FAM193A: variants seen among roughly 807,000 people sequenced by gnomAD.
The protein encoded by FAM193A is protein FAM193A.
In FAM193A, 22 loss-of-function variants were observed where a neutral mutation model predicts 126.5. The ratio of observed to expected loss-of-function variants is 0.17; its 90% confidence interval spans 0.12 to 0.25. FAM193A has a LOEUF of 0.25. FAM193A is among the 10% of genes least tolerant of loss of function. FAM193A has a pLI of 1.00. For missense variants in FAM193A, 1,675 were observed against 1,672.8 expected (o/e 1.00, Z -0.02); for synonymous variants, 761 against 646.8 (o/e 1.18, Z -2.68).
intron 19 of FAM193A, among the ~76,000 whole-genome samples, chr4:2,701,984 C>G (rs748162478): frequency 2.0e-5 from 3 of 152,138 alleles, no homozygotes; most frequent in Non-Finnish European, 2.9e-5. Context: ...GTTGGTCAGG[C>G]TGGTCTCAAA....
chr4:2,712,781 G>A (rs1047289037), intron 19 of FAM193A, among the ~76,000 whole-genome samples: 9 of 151,860 alleles, frequency 5.9e-5, no homozygotes, highest in Non-Finnish European at 1.3e-4. Flanking sequence ...AAAATGTGTT[G>A]TGGGGTTTTT....
At chr4:2,552,033 A>C (rs1737953121) in intron 1 of FAM193A, among the ~76,000 whole-genome samples, 1 of 122,838 alleles carries the variant, frequency 8.1e-6, no homozygotes, top group African/African-American at 3.1e-5. Flanking sequence ...TTTTTTCGAG[A>C]CAGAGTCTTG....
At chr4:2,710,794 C>G (rs754970691) in intron 19 of FAM193A, among the ~76,000 whole-genome samples, 6 of 151,786 alleles carry the variant, frequency 4.0e-5, no homozygotes, top group South Asian at 2.1e-4. Flanking sequence ...CATGAACCAC[C>G]GTGCCCAGCC....
chr4:2,583,185 G>A (rs989035083), intron 1 of FAM193A, among the ~76,000 whole-genome samples: 3 of 152,214 alleles, frequency 2.0e-5, no homozygotes, highest in African/African-American at 7.2e-5. Context: ...CATTGGCCAA[G>A]CTGGTGCCAA....
At chr4:2,571,410 A>G (rs1267204286) in intron 1 of FAM193A, among the ~76,000 whole-genome samples, 1 of 152,160 alleles carries the variant, frequency 6.6e-6, no homozygotes, top group Non-Finnish European at 1.5e-5. Flanking sequence ...CTGTTTGGTT[A>G]TGTATAAAAA....
At chr4:2,562,467 C>T (rs974967408) in intron 1 of FAM193A, among the ~76,000 whole-genome samples, 2 of 152,134 alleles carry the variant, frequency 1.3e-5, no homozygotes, top group Admixed American at 6.6e-5. Flanking sequence ...TTTAAAATTT[C>T]GACGACTGCT....
At chr4:2,683,532 G>T (rs1715398046) in intron 13 of FAM193A, among the ~76,000 whole-genome samples, 1 of 152,226 alleles carries the variant, frequency 6.6e-6, no homozygotes, top group Admixed American at 6.5e-5. Context: ...GACCTCAGGT[G>T]ATCGCCTGCC....
At chr4:2,625,007 A>G (rs2108975583) in intron 2 of FAM193A, among the ~76,000 whole-genome samples, 1 of 152,250 alleles carries the variant, frequency 6.6e-6, no homozygotes, top group East Asian at 1.9e-4. Context: ...ACAGGCGGGC[A>G]CCAACACGCC....
At chr4:2,660,100 C>T (rs752638374) in intron 10 of FAM193A, 46 bp downstream of exon 10, 1 of 1,594,666 alleles carries the variant, frequency 6.3e-7, no homozygotes, top group Non-Finnish European at 8.6e-7. Flanking sequence ...TAAGTCGCCC[C>T]AGTAATGAGA....
rs139166466 is a variant in FAM193A, at chr4:2,691,084, G to T, written c.2803+114G>T. The T allele has an allele frequency of 8.2e-6, 8 of 975,700 alleles. No individual in the cohort carries two copies. In the African/African-American group the frequency reaches 9.9e-5, roughly 12 times the overall value. The allele number at this position is 975,700 out of a possible 1,614,324, so 60.4% of individuals were successfully genotyped here. On this transcript the variant is annotated intron_variant, in intron 15 of 20. Transcript: ENST00000637812. ...CCTTTTACTTGGCCTAGCCAGAGGC[G>T]TAAGTGTAATTAACTGCCCAAAAAT...
intron 1 of FAM193A, among the ~76,000 whole-genome samples, chr4:2,557,366 A>C (rs111457091): frequency 6.6e-6 from 1 of 152,162 alleles, no homozygotes; most frequent in South Asian, 2.1e-4. Context: ...AGCTCTCCCT[A>C]ATATGGATAT....
rs1718775572 is a variant in FAM193A at position 2,710,178 on chromosome 4, T to TTTTTTTTTTTTTTTTTTTTTTTTTTTTTC, written c.4373-5831_4373-5830insTTTTTTTTTTTTTTCTTTTTTTTTTTTTT. On this transcript the variant is annotated intron_variant, in intron 19 of 20. Coordinates refer to ENST00000637812, the MANE Select transcript of FAM193A (RefSeq NM_001366318.2). ...CTTCTTTTGTTTTTTTTTTTTTTTC[T>TTTTTTTTTTTTTTTTTTTTTTTTTTTTTC]TTTTTTTTTTTTTTGAGACAGAGTC... 2.2e-5 allele frequency among the ~76,000 whole-genome samples: 2 copies of TTTTTTTTTTTTTTTTTTTTTTTTTTTTTC among 92,192 alleles called. 1 individual carries two copies. Among genetic ancestry groups the TTTTTTTTTTTTTTTTTTTTTTTTTTTTTC allele is most frequent in the Non-Finnish European group, 4.1e-5 (2 of 48,594 alleles). 60.5% of individuals were successfully genotyped at this position (92,192 alleles called of 152,430 possible).
intron 10 of FAM193A, among the ~76,000 whole-genome samples, chr4:2,660,905 A>C (rs1330450789): frequency 6.6e-6 from 1 of 152,218 alleles, no homozygotes; most frequent in Non-Finnish European, 1.5e-5. Context: ...TCATACAAAG[A>C]TTGCAGGCTG....
intron 2 of FAM193A, among the ~76,000 whole-genome samples, chr4:2,599,762 A>G (rs1312528325): frequency 6.7e-6 from 1 of 149,280 alleles, no homozygotes; most frequent in African/African-American, 2.5e-5. Context: ...TTTGAGACAG[A>G]GTCTTGCTCT....
intron 5 of FAM193A, among the ~76,000 whole-genome samples, chr4:2,631,431 G>A (rs1005435676): frequency 5.9e-5 from 9 of 152,136 alleles, no homozygotes; most frequent in African/African-American, 2.2e-4. Flanking sequence ...TTGAGGCCCA[G>A]GGAACGAGGC....
chr4:2,631,314 C>A, intron 5 of FAM193A, 145 bp downstream of exon 5: 1 of 676,546 alleles, frequency 1.5e-6, no homozygotes, highest in Non-Finnish European at 2.4e-6. Flanking sequence ...CGGGAGAGGA[C>A]CTGTTTCCTC....
In FAM193A at chr4:2,594,820, C is replaced by CTTTTTT. The variant is rs386399069; in HGVS notation, c.256-1243_256-1238dup. On this transcript the variant is annotated intron_variant, in intron 1 of 20. Transcript: ENST00000637812. ...GTTTCTTTCTTTTTCTTTTCTTTTC[C>CTTTTTT]TTTTTTTTTTTTTTTTTTTTTTTTT... 2.8e-3 allele frequency among the ~76,000 whole-genome samples: 174 copies of CTTTTTT among 62,230 alleles called. 32 individuals are homozygous for CTTTTTT. The highest frequency in any genetic ancestry group is 8.1e-3 in the African/African-American group (103 of 12,708). The allele number at this position is 62,230 out of a possible 152,430, so 40.8% of individuals were successfully genotyped here. A position where few individuals can be genotyped will look rare whatever the true frequency, so the allele number is the denominator to read the frequency against.
chr4:2,656,910 T>C (rs1053357659), intron 7 of FAM193A, among the ~76,000 whole-genome samples: 1 of 152,212 alleles, frequency 6.6e-6, no homozygotes, highest in Non-Finnish European at 1.5e-5. Flanking sequence ...CTCACGCTTA[T>C]AATCCCAGCA....
chr4:2,706,813 A>G (rs1425283748), intron 19 of FAM193A, among the ~76,000 whole-genome samples: 1 of 151,224 alleles, frequency 6.6e-6, no homozygotes, highest in East Asian at 1.9e-4. Flanking sequence ...TTTAGCATCA[A>G]TGTGCCTGGC....
Sources: gnomAD v4.1 joint callset for allele counts (sites outside exome capture counted in the v4.1 genomes callset) on GRCh38, gnomAD v4.1.1 for gene constraint, MANE v1.5 for transcripts, NCBI Gene and HGNC (gene_info 2026-07-23, HGNC 2026-07-21) for gene names.